The following KCNH5 variants were observed in gnomAD, a reference collection of about 807,000 sequenced individuals.
KCNH5 encodes the protein potassium voltage-gated channel subfamily H member 5.
Under a neutral mutation model 96.1 loss-of-function variants are expected in KCNH5, and 46 were observed. The ratio of observed to expected loss-of-function variants is 0.48; its 90% confidence interval spans 0.38 to 0.61. KCNH5 has a LOEUF of 0.61. Ranked by LOEUF, KCNH5 falls within the 20% of genes least tolerant of loss-of-function variation. The pLI is 0.00. For synonymous variants in KCNH5, 439 were observed against 449.8 expected (o/e 0.98, Z 0.30); for missense variants, 907 against 1,225.8 (o/e 0.74, Z 3.88).
intron 9 of KCNH5, among the ~76,000 whole-genome samples, chr14:62,780,620 A>G (rs58702938): frequency 0.095 from 14,480 of 152,236 alleles, 857 homozygotes; most frequent in East Asian, 0.29. Context: ...GTCTTTTAAA[A>G]ATTCTAGAAA....
At position 62,708,403 on chromosome 14, in the gene KCNH5, C is replaced by A. The variant is rs200737420; in HGVS notation, c.2072G>T (p.Arg691Leu). 1.2e-6 allele frequency: 2 copies of A among 1,610,668 alleles called. No homozygotes were observed. Among genetic ancestry groups the A allele is most frequent in the African/African-American group, 1.3e-5 (1 of 75,004 alleles). ...DVKKEEEERL[R>L]QKNEVTLSIP... ...GCTGAGGGTCACCTCATTCTTCTGC[C>A]GGAGGCGCTCCTCCTCCTCTTTCTT... Residue 691 changes from arginine (R) to leucine (L), a missense_variant, in exon 11 of 11, where the codon CGG becomes CTG. Transcript: ENST00000322893.
chr14:63,003,624 A>ATTTATATTTATATATATATATATTT (rs1891069706), intron 3 of KCNH5, among the ~76,000 whole-genome samples: 1 of 92,854 alleles, frequency 1.1e-5, no homozygotes, highest in Admixed American at 1.3e-4. Context: ...ATATATATAT[A>ATTTATATTTATATATATATATATTT]TTTTTTTTTT....
At chr14:63,040,314 G>A (rs1891798733) in intron 1 of KCNH5, among the ~76,000 whole-genome samples, 1 of 152,112 alleles carries the variant, frequency 6.6e-6, no homozygotes, top group African/African-American at 2.4e-5. Context: ...GCAATTTCTA[G>A]TGAAGATAAC....
At chr14:62,957,861 T>C (rs982117906) in intron 6 of KCNH5, among the ~76,000 whole-genome samples, 1 of 152,214 alleles carries the variant, frequency 6.6e-6, no homozygotes, top group African/African-American at 2.4e-5. Context: ...TTAGTTGAGA[T>C]AAGCCAAACC....
intron 10 of KCNH5, among the ~76,000 whole-genome samples, chr14:62,748,483 C>A (rs971483787): frequency 2.6e-5 from 4 of 152,044 alleles, no homozygotes; most frequent in African/African-American, 9.7e-5. Flanking sequence ...AAGATGCAGC[C>A]CAGCAAGTCA....
intron 10 of KCNH5, among the ~76,000 whole-genome samples, chr14:62,721,493 TCA>T (rs1411561901): frequency 4.1e-5 from 3 of 74,052 alleles, no homozygotes; most frequent in African/African-American, 1.2e-4. Context: ...TCTCTCTCAC[TCA>T]CTCGCTCTCT....
chr14:62,817,165 T>A (rs1363724102), intron 8 of KCNH5, among the ~76,000 whole-genome samples: 1 of 131,354 alleles, frequency 7.6e-6, no homozygotes, highest in African/African-American at 2.7e-5. Flanking sequence ...ATACATAATA[T>A]ATAATATATA....
chr14:62,865,683 T>C (rs2140060996), intron 7 of KCNH5, among the ~76,000 whole-genome samples: 1 of 152,298 alleles, frequency 6.6e-6, no homozygotes, highest in East Asian at 1.9e-4. Context: ...TTTCTAATTC[T>C]TTTTTTCAAA....
intron 7 of KCNH5, among the ~76,000 whole-genome samples, chr14:62,877,217 G>A (rs561412923): frequency 0.018 from 2,706 of 151,462 alleles, 73 homozygotes; most frequent in African/African-American, 0.062. Flanking sequence ...AGACTTAAAC[G>A]TTAGACCTAA....
At chr14:62,840,557 CTTTT>C (rs1165731381) in intron 8 of KCNH5, among the ~76,000 whole-genome samples, 4 of 108,734 alleles carry the variant, frequency 3.7e-5, no homozygotes, top group African/African-American at 1.3e-4. Context: ...TTTCTTTTTT[CTTTT>C]TTTTCTTTTT....
chr14:62,974,398 C>G (rs1181775706), intron 6 of KCNH5, among the ~76,000 whole-genome samples: 1 of 152,156 alleles, frequency 6.6e-6, no homozygotes, highest in Non-Finnish European at 1.5e-5. Context: ...AAGCTGTATT[C>G]AAATGCATAC....
At chr14:62,938,118 T>A (rs1337565927) in intron 7 of KCNH5, among the ~76,000 whole-genome samples, 1 of 152,110 alleles carries the variant, frequency 6.6e-6, no homozygotes, top group African/African-American at 2.4e-5. Flanking sequence ...TTTAAATGAG[T>A]AATGGTCCCA....
intron 10 of KCNH5, among the ~76,000 whole-genome samples, chr14:62,761,908 G>A (rs913294739): frequency 2.6e-5 from 4 of 152,090 alleles, no homozygotes; most frequent in Admixed American, 1.3e-4. Context: ...TGGGGTGAAG[G>A]GAGAGCAAGC....
chr14:62,904,494 C>A (rs1888989032), intron 7 of KCNH5, among the ~76,000 whole-genome samples: 1 of 152,148 alleles, frequency 6.6e-6, no homozygotes, highest in Non-Finnish European at 1.5e-5. Context: ...CTACCTCTTC[C>A]CCTATGGTCC....
Position 62,943,272 on chromosome 14 carries a change from T to C in KCNH5, c.1369+6861A>G, listed in dbSNP as rs181178959. Among the ~76,000 whole-genome samples, 5 of 152,336 alleles carry C rather than the reference T, an allele frequency of 3.3e-5. No homozygotes were observed. In the East Asian group the frequency reaches 9.6e-4, roughly 29 times the overall value. ...AGGGACTAAGTAACTGCTTTCTTGA[T>C]AAATCTTTGGAAGAGGATTTTTAAA... On this transcript the variant is annotated intron_variant, in intron 7 of 10. Transcript: ENST00000322893.
Position 62,704,683 on chromosome 14 carries a change from A to G in KCNH5, c.*2825T>C, listed in dbSNP as rs1177915729. 1.3e-5 allele frequency: 2 copies of G among 151,834 alleles called. No homozygotes were observed. The highest frequency in any genetic ancestry group is 2.9e-5 in the Non-Finnish European group (2 of 67,818). The allele number at this position is 151,834 out of a possible 1,614,324, so 9.4% of individuals were successfully genotyped here. On this transcript the variant is annotated 3_prime_UTR_variant, in exon 11 of 11. Coordinates refer to ENST00000322893, the MANE Select transcript of KCNH5 (RefSeq NM_139318.5). The stretch of plus-strand genomic sequence containing the variant: ...CATATCCATTTACTCCTATTAATAT[A>G]TTATTTAGAAATATAATATTAAAAT...
intron 7 of KCNH5, among the ~76,000 whole-genome samples, chr14:62,949,509 G>T (rs984462011): frequency 2.0e-5 from 3 of 152,134 alleles, no homozygotes; most frequent in African/African-American, 7.2e-5. Flanking sequence ...CATGGTCTTT[G>T]TTCCTTTAGG....
At chr14:62,861,828 T>C (rs1011951913) in intron 7 of KCNH5, among the ~76,000 whole-genome samples, 1 of 152,192 alleles carries the variant, frequency 6.6e-6, no homozygotes, top group Non-Finnish European at 1.5e-5. Flanking sequence ...TAGCAATCCA[T>C]TATTTCGATA....
At chr14:62,919,734 G>C (rs8007747) in intron 7 of KCNH5, among the ~76,000 whole-genome samples, 18,356 of 152,046 alleles carry the variant, frequency 0.12, 1,288 homozygotes, top group East Asian at 0.28. Flanking sequence ...CAATATCTAC[G>C]TGGCCCATCA....
Sources: gnomAD v4.1 joint callset for allele counts (sites outside exome capture counted in the v4.1 genomes callset) on GRCh38, gnomAD v4.1.1 for gene constraint, MANE v1.5 for transcripts, NCBI Gene and HGNC (gene_info 2026-07-23, HGNC 2026-07-21) for gene names.